The following CPNE5 variants were observed in gnomAD, a reference collection of about 807,000 sequenced individuals.
The protein encoded by CPNE5 is copine 5, also known as copine-5.
In CPNE5, 42 loss-of-function variants were observed where a neutral mutation model predicts 81.1. The ratio of observed to expected loss-of-function variants is 0.52; its 90% CI spans 0.40 to 0.67. The LOEUF is 0.67. CPNE5 is among the 30% of genes least tolerant of loss of function. The pLI is 0.00. For synonymous variants in CPNE5, 313 were observed against 321.5 expected (o/e 0.97, Z 0.28); for missense variants, 612 against 815.5 (o/e 0.75, Z 3.04).
chr6:36,743,773 A>C lies in CPNE5; in HGVS notation c.1490-11T>G. 6.2e-7 allele frequency: 1 copy of C among 1,609,990 alleles called. No homozygotes were observed. Among genetic ancestry groups the C allele is most frequent in the Non-Finnish European group, 8.5e-7 (1 of 1,179,092 alleles). On this transcript the variant is annotated splice_polypyrimidine_tract_variant and intron_variant, in intron 19 of 20. Coordinates refer to ENST00000244751, the MANE Select transcript of CPNE5 (RefSeq NM_020939.2). Reference sequence around the variant, plus strand: ...CCAGCTCCACCATGGCTGTGAGGGGAGGAGTGTCATGGGGCGGGGTGAGAT... The same window carrying C: ...CCAGCTCCACCATGGCTGTGAGGGGCGGAGTGTCATGGGGCGGGGTGAGAT...
intron 20 of CPNE5, chr6:36,743,281 T>C: frequency 1.0e-6 from 1 of 966,710 alleles, no homozygotes; most frequent in South Asian, 4.8e-5. Flanking sequence ...GCACCGTTCA[T>C]GGAGATGCTT....
intron 3 of CPNE5, among the ~76,000 whole-genome samples, chr6:36,803,033 C>T (rs1005092455): frequency 1.2e-4 from 18 of 152,104 alleles, no homozygotes; most frequent in African/African-American, 3.4e-4. Flanking sequence ...CCAGCCTGAG[C>T]GACAGAGAAA....
intron 3 of CPNE5, among the ~76,000 whole-genome samples, chr6:36,805,113 A>C (rs1770470654): frequency 6.6e-6 from 1 of 152,200 alleles, no homozygotes; most frequent in Non-Finnish European, 1.5e-5. Context: ...AACTGAAGAG[A>C]CGTTGAAAAA....
intron 2 of CPNE5, 75 bp downstream of exon 2, chr6:36,822,983 C>T: frequency 1.5e-6 from 2 of 1,318,616 alleles, no homozygotes; most frequent in Middle Eastern, 2.0e-4. Context: ...TCAGTAAGGG[C>T]TCAAGCATTG....
At chr6:36,763,637 T>A (rs891574600) in intron 11 of CPNE5, among the ~76,000 whole-genome samples, 11 of 151,612 alleles carry the variant, frequency 7.3e-5, no homozygotes, top group Non-Finnish European at 1.3e-4. Context: ...TTGTTCAATG[T>A]GTCAAGTATG....
At chr6:36,827,808 A>AT (rs1772634490) in intron 1 of CPNE5, 2 of 938,858 alleles carry the variant, frequency 2.1e-6, no homozygotes, top group African/African-American at 3.6e-5. Flanking sequence ...GACCACAAGT[A>AT]CTTTTTCTCC....
intron 20 of CPNE5, 79 bp downstream of exon 20, chr6:36,743,610 C>G: frequency 7.3e-7 from 1 of 1,377,940 alleles, no homozygotes; most frequent in Non-Finnish European, 1.0e-6. Flanking sequence ...ACCAGGGAAG[C>G]CCCCAAAGGG....
At chr6:36,750,953 C>T (rs947077824) in intron 14 of CPNE5, among the ~76,000 whole-genome samples, 3 of 152,236 alleles carry the variant, frequency 2.0e-5, no homozygotes, top group Non-Finnish European at 2.9e-5. Context: ...CCTAGTGTCT[C>T]CTGCCTAAGG....
intron 8 of CPNE5, among the ~76,000 whole-genome samples, chr6:36,782,859 ACACACACAC>A (rs1768160085): frequency 6.6e-6 from 1 of 151,298 alleles, no homozygotes; most frequent in African/African-American, 2.4e-5. Context: ...ACACACACAC[ACACACACAC>A]AAAACGGCAC....
At chr6:36,767,699 C>A (rs1766684059) in intron 10 of CPNE5, among the ~76,000 whole-genome samples, 2 of 152,202 alleles carry the variant, frequency 1.3e-5, no homozygotes, top group Non-Finnish European at 2.9e-5. Context: ...TGGTGACAGC[C>A]CTGCATATCC....
intron 3 of CPNE5, among the ~76,000 whole-genome samples, chr6:36,814,732 C>G (rs985241165): frequency 6.6e-6 from 1 of 152,092 alleles, no homozygotes; most frequent in African/African-American, 2.4e-5. Context: ...GGAGGGTGCT[C>G]AGGTTGGTAA....
Position 36,834,998 on chromosome 6 carries a change from C to T in CPNE5, c.95+4285G>A, listed in dbSNP as rs186102390. Among the ~76,000 whole-genome samples, 783 of 152,210 alleles carry T rather than the reference C, an allele frequency of 5.1e-3. 4 individuals are homozygous for T. Among genetic ancestry groups the T allele is most frequent in the Non-Finnish European group, 8.7e-3 (593 of 68,016 alleles). On this transcript the variant is annotated intron_variant, in intron 1 of 20. Coordinates refer to ENST00000244751, the MANE Select transcript of CPNE5 (RefSeq NM_020939.2). ...GCTCCAGGGCAACAAAACGCCAACCCGAACAGACAGCAGAAAACAATATCT... is the reference window on the plus strand; with the variant it reads ...GCTCCAGGGCAACAAAACGCCAACCTGAACAGACAGCAGAAAACAATATCT...
intron 8 of CPNE5, among the ~76,000 whole-genome samples, chr6:36,781,838 G>T (rs1381861458): frequency 6.6e-6 from 1 of 152,168 alleles, no homozygotes; most frequent in South Asian, 2.1e-4. Flanking sequence ...TCTGCAGCTG[G>T]CCCTGTCTCC....
chr6:36,760,235 A>C (rs925240281), intron 12 of CPNE5, among the ~76,000 whole-genome samples: 1 of 134,402 alleles, frequency 7.4e-6, no homozygotes, highest in Non-Finnish European at 1.6e-5. Context: ...AAAAAAAAGC[A>C]CGCATACACA....
intron 1 of CPNE5, among the ~76,000 whole-genome samples, chr6:36,823,764 G>A (rs1000474133): frequency 2.6e-5 from 4 of 152,182 alleles, no homozygotes; most frequent in African/African-American, 9.7e-5. Flanking sequence ...ATGCAATAAA[G>A]GCTCCCATTT....
chr6:36,823,857 C>T (rs1772274030), intron 1 of CPNE5, among the ~76,000 whole-genome samples: 1 of 152,130 alleles, frequency 6.6e-6, no homozygotes, highest in South Asian at 2.1e-4. Context: ...CAAGGTTGAT[C>T]CTAGGCAGGT....
intron 10 of CPNE5, among the ~76,000 whole-genome samples, chr6:36,771,402 G>T (rs1247568385): frequency 2.6e-5 from 4 of 152,234 alleles, no homozygotes; most frequent in African/African-American, 9.6e-5. Context: ...GGGCCTCTCT[G>T]TCTCCTTACC....
rs1763593781 is a variant in CPNE5, at chr6:36,741,646, G to A, written c.*622C>T. On this transcript the variant is annotated 3_prime_UTR_variant, in exon 21 of 21. Coordinates refer to ENST00000244751, the MANE Select transcript of CPNE5 (RefSeq NM_020939.2). Reference sequence around the variant, plus strand: ...TACTGAGTTCGAGAGGCACCAGAAAGGGCTCTGTGCTGAGCAGCCTCCACT... The same window carrying A: ...TACTGAGTTCGAGAGGCACCAGAAAAGGCTCTGTGCTGAGCAGCCTCCACT... 6.6e-6 allele frequency: 1 copy of A among 152,286 alleles called. No individual in the cohort carries two copies. The highest frequency in any genetic ancestry group is 2.1e-4 in the South Asian group (1 of 4,828). The allele number at this position is 152,286 out of a possible 1,614,324, so 9.4% of individuals were successfully genotyped here. A position where few individuals can be genotyped will look rare whatever the true frequency, so the allele number is the denominator to read the frequency against.
intron 8 of CPNE5, among the ~76,000 whole-genome samples, chr6:36,786,625 T>G (rs1768578336): frequency 6.6e-6 from 1 of 152,222 alleles, no homozygotes; most frequent in Admixed American, 6.5e-5. Context: ...ACTACAGTAT[T>G]ATTTATATTG....
Sources: allele counts gnomAD v4.1 joint callset (sites outside exome capture counted in the v4.1 genomes callset), GRCh38; gene constraint gnomAD v4.1.1; transcripts MANE v1.5; gene names NCBI Gene and HGNC (gene_info 2026-07-23, HGNC 2026-07-21).